The following LIPC variants were observed in gnomAD, a reference collection of about 807,000 sequenced individuals.
The protein encoded by LIPC is hepatic triacylglycerol lipase.
Under a neutral mutation model 50.7 loss-of-function variants are expected in LIPC, and 44 were observed. That is an observed-to-expected ratio of 0.87 (90% confidence interval 0.68 to 1.11). LIPC has a LOEUF of 1.11. LIPC is among the 50% of genes most tolerant of loss of function. The pLI is 0.00. For missense variants in LIPC, 697 were observed against 648.2 expected (o/e 1.08, Z -0.82); for synonymous variants, 271 against 256.4 (o/e 1.06, Z -0.54).
intron 2 of LIPC, 55 bp from the exon 3 acceptor site, chr15:58,541,730 A>C: frequency 6.5e-7 from 1 of 1,545,718 alleles, no homozygotes; most frequent in South Asian, 1.2e-5. Flanking sequence ...AGAAGGAAGA[A>C]GGGTGAGCGG....
At chr15:58,480,227 T>C (rs1472531378) in intron 1 of LIPC, among the ~76,000 whole-genome samples, 1 of 152,218 alleles carries the variant, frequency 6.6e-6, no homozygotes, top group Non-Finnish European at 1.5e-5. Context: ...CAACTAGAAG[T>C]GATCTATCTC....
In LIPC at chr15:58,524,506, G is replaced by A. The variant is rs572058608; in HGVS notation, c.89-13827G>A. On this transcript the variant is annotated intron_variant, in intron 1 of 8. Transcript: ENST00000299022. ...AAATGCATTTGTAACTTTCATAGCT[G>A]TTGCCAAATCCCTCTCCATTGGAGT... Among the ~76,000 whole-genome samples the A allele has an allele frequency of 2.2e-4, 33 of 152,352 alleles. No individual in the cohort carries two copies. The South Asian group carries it at 2.3e-3, about 11-fold the overall frequency.
chr15:58,433,494 A>T (rs556333232), intron 1 of LIPC, among the ~76,000 whole-genome samples: 1 of 152,210 alleles, frequency 6.6e-6, no homozygotes, highest in East Asian at 1.9e-4. Context: ...TTCGTTCGAC[A>T]TTATGTTTGT....
At chr15:58,471,161 C>T (rs547277090) in intron 1 of LIPC, among the ~76,000 whole-genome samples, 3 of 106,780 alleles carry the variant, frequency 2.8e-5, no homozygotes, top group East Asian at 2.8e-4. Flanking sequence ...TTTTGAGATG[C>T]GGTCTCACTC....
rs76472879 is a variant in LIPC at position 58,438,858 on chromosome 15, G to A, written c.88+6738G>A. Among the ~76,000 whole-genome samples the A allele has an allele frequency of 1.0e-2, 1,522 of 152,342 alleles. 7 individuals carry two copies. Among genetic ancestry groups the A allele is most frequent in the Middle Eastern group, 0.027 (8 of 294 alleles). On this transcript the variant is annotated intron_variant, in intron 1 of 8. Transcript: ENST00000299022. ...CTAACTTCCCTTTCCTTCCCACTTA[G>A]GGGTCTATTTCCAGAAGCATTCCTC... is the stretch of plus-strand genomic sequence containing the variant.
intron 1 of LIPC, among the ~76,000 whole-genome samples, chr15:58,512,319 G>A (rs1892353635): frequency 1.3e-5 from 2 of 152,104 alleles, no homozygotes; most frequent in Admixed American, 6.5e-5. Flanking sequence ...GGCTGGTCTC[G>A]AACTCCTGAC....
intron 1 of LIPC, among the ~76,000 whole-genome samples, chr15:58,468,685 T>C (rs1490766796): frequency 6.6e-6 from 1 of 152,040 alleles, no homozygotes; most frequent in Non-Finnish European, 1.5e-5. Flanking sequence ...CTCATTAGAA[T>C]CATCTAGGGA....
At chr15:58,549,615 G>A (rs568966797) in intron 6 of LIPC, among the ~76,000 whole-genome samples, 11 of 152,330 alleles carry the variant, frequency 7.2e-5, no homozygotes, top group East Asian at 1.9e-4. Context: ...ACTCTCAGTC[G>A]TGAGTTCAAA....
Position 58,533,783 on chromosome 15 carries a change from T to A in LIPC, c.89-4550T>A, listed in dbSNP as rs146676941. Among the ~76,000 whole-genome samples, 860 of 152,300 alleles carry A rather than the reference T, an allele frequency of 5.6e-3. 12 individuals carry two copies. The highest frequency in any genetic ancestry group is 0.02 in the African/African-American group (820 of 41,554). On this transcript the variant is annotated intron_variant, in intron 1 of 8. Coordinates refer to ENST00000299022, the MANE Select transcript of LIPC (RefSeq NM_000236.3). ...TATGAAGATATACTCCAAATGTTAT[T>A]TGTGTTTTTTTCTAAATAATAATAT... is the stretch of plus-strand genomic sequence containing the variant.
intron 8 of LIPC, among the ~76,000 whole-genome samples, chr15:58,566,726 G>A (rs1018942010): frequency 6.6e-6 from 1 of 152,132 alleles, no homozygotes; most frequent in Non-Finnish European, 1.5e-5. Context: ...CCTACAGCAA[G>A]ACCAAGTATA....
At chr15:58,526,028 C>T (rs1412187738) in intron 1 of LIPC, among the ~76,000 whole-genome samples, 3 of 152,164 alleles carry the variant, frequency 2.0e-5, no homozygotes, top group Admixed American at 6.5e-5. Context: ...GGCTCATTAG[C>T]GGCAGAGCCA....
chr15:58,521,807 C>CAACAAGTT (rs1892662566), intron 1 of LIPC: 2 of 152,268 alleles, frequency 1.3e-5, no homozygotes, highest in African/African-American at 4.8e-5. Flanking sequence ...GTTCAGCCCT[C>CAACAAGTT]AACAAGTTAA....
intron 4 of LIPC, 24 bp from the exon 5 acceptor site, chr15:58,545,718 C>A (rs1374324623): frequency 1.2e-6 from 2 of 1,604,104 alleles, no homozygotes; most frequent in Non-Finnish European, 1.7e-6. Context: ...TCCTGCGTAA[C>A]CCTTACCCCT....
At chr15:58,514,994 G>T (rs187706762) in intron 1 of LIPC, among the ~76,000 whole-genome samples, 2 of 152,348 alleles carry the variant, frequency 1.3e-5, no homozygotes, top group Non-Finnish European at 2.9e-5. Flanking sequence ...TCTGAGGACA[G>T]AATCCGTTTC....
At chr15:58,474,281 C>G (rs1303357709) in intron 1 of LIPC, among the ~76,000 whole-genome samples, 1 of 152,048 alleles carries the variant, frequency 6.6e-6, no homozygotes, top group Admixed American at 6.5e-5. Flanking sequence ...ACTTTGGGGG[C>G]CCAAGCAGGG....
intron 1 of LIPC, among the ~76,000 whole-genome samples, chr15:58,512,753 C>T (rs2140860351): frequency 6.6e-6 from 1 of 152,200 alleles, no homozygotes; most frequent in Admixed American, 6.5e-5. Context: ...AACAGTGGCA[C>T]TGGAACGAGG....
chr15:58,492,432 T>C (rs1373792976), intron 1 of LIPC, among the ~76,000 whole-genome samples: 5 of 152,222 alleles, frequency 3.3e-5, no homozygotes, highest in Non-Finnish European at 5.9e-5. Flanking sequence ...TATTCTACTA[T>C]GTGGCAAGTC....
intron 1 of LIPC, among the ~76,000 whole-genome samples, chr15:58,491,652 G>A (rs761661150): frequency 5.3e-5 from 8 of 152,190 alleles, no homozygotes; most frequent in Non-Finnish European, 1.0e-4. Flanking sequence ...CAGCTGTCAG[G>A]CAGCAACAAC....
chr15:58,519,875 C>T (rs1233323001), intron 1 of LIPC, among the ~76,000 whole-genome samples: 2 of 152,086 alleles, frequency 1.3e-5, no homozygotes, highest in Non-Finnish European at 2.9e-5. Context: ...TTTCTCTTTA[C>T]CTTTCCCCCG....
Sources: gnomAD v4.1 joint callset for allele counts (sites outside exome capture counted in the v4.1 genomes callset) on GRCh38, gnomAD v4.1.1 for gene constraint, MANE v1.5 for transcripts, NCBI Gene and HGNC (gene_info 2026-07-23, HGNC 2026-07-21) for gene names.